The following AGAP1 variants were observed in gnomAD, a reference collection of about 807,000 sequenced individuals.
AGAP1 encodes arf-GAP with GTPase, ANK repeat and PH domain-containing protein 1.
AGAP1 carries 29 observed loss-of-function variants against 105.3 expected under a neutral mutation model. That is an observed-to-expected ratio of 0.28 (90% CI 0.21 to 0.38). The LOEUF (loss-of-function observed/expected upper bound fraction) is 0.38, where lower values mean the gene tolerates loss of function less well. Among genes scored for constraint, AGAP1 ranks in the 10% least tolerant of loss-of-function variants. AGAP1 has a pLI of 1.00. For synonymous variants in AGAP1, 509 were observed against 485.9 expected, an observed-to-expected ratio of 1.05 and a Z score of -0.63; for missense variants, 998 against 1,165.1, an observed-to-expected ratio of 0.86 and a Z score of 2.09.
chr2:235,531,773 T>G (rs2149075303), intron 1 of AGAP1, among the ~76,000 whole-genome samples: 1 of 152,176 alleles, frequency 6.6e-6, no homozygotes, highest in African/African-American at 2.4e-5. Flanking sequence ...CACGCCCAGC[T>G]AATTTTTTTG....
intron 1 of AGAP1, among the ~76,000 whole-genome samples, chr2:235,536,586 CACAT>C (rs1943239647): frequency 6.7e-6 from 1 of 150,254 alleles, no homozygotes; most frequent in African/African-American, 2.5e-5. Context: ...TGCACACACA[CACAT>C]ACACAGCAGG....
chr2:235,885,612 A>G (rs1040394576), intron 10 of AGAP1, among the ~76,000 whole-genome samples: 3 of 152,174 alleles, frequency 2.0e-5, no homozygotes, highest in Admixed American at 1.3e-4. Context: ...TCTCAAGAAC[A>G]TTTACCTTCA....
At chr2:236,077,045 G>A (rs2058653978) in intron 16 of AGAP1, among the ~76,000 whole-genome samples, 1 of 150,366 alleles carries the variant, frequency 6.7e-6, no homozygotes, top group African/African-American at 2.4e-5. Context: ...GGGAGGAGGA[G>A]GTTGCAGTAA....
At chr2:235,748,977 G>C (rs1173487753) in intron 5 of AGAP1, among the ~76,000 whole-genome samples, 1 of 152,206 alleles carries the variant, frequency 6.6e-6, no homozygotes, top group African/African-American at 2.4e-5. Context: ...GGGAGGCCCA[G>C]GCGGGTGGAT....
intron 16 of AGAP1, among the ~76,000 whole-genome samples, chr2:236,115,027 C>T (rs1047260565): frequency 2.0e-5 from 3 of 152,202 alleles, no homozygotes; most frequent in African/African-American, 4.8e-5. Context: ...AGAGCATCCC[C>T]CCTACCATGC....
intron 6 of AGAP1, among the ~76,000 whole-genome samples, chr2:235,786,902 C>T (rs955040384): frequency 1.3e-5 from 2 of 152,232 alleles, no homozygotes; most frequent in African/African-American, 4.8e-5. Context: ...GTCCTCCTGG[C>T]CCTGCCACTC....
In AGAP1 at chr2:235,728,326, T is replaced by TGTGTGTGTGTGTGTGTGTGCGCGCGC. The variant is rs986896995; in HGVS notation, c.310+10683_310+10684insTGTGTGTGTGTGTGTGTGCGCGCGCG. 4.6e-5 allele frequency among the ~76,000 whole-genome samples: 7 copies of TGTGTGTGTGTGTGTGTGTGCGCGCGC among 151,628 alleles called. No individual in the cohort carries two copies. The highest frequency in any genetic ancestry group is 1.5e-4 in the African/African-American group (6 of 41,084). ...CTGTGTGTGTGTGTGTGTGTGTGTG[T>TGTGTGTGTGTGTGTGTGTGCGCGCGC]GCGTGCTCTTAAATCAATGTAAATT... On this transcript the variant is annotated intron_variant, in intron 3 of 17. Coordinates refer to ENST00000304032, the MANE Select transcript of AGAP1 (RefSeq NM_001037131.3). This position sits in a 1 kb window ranked among gnomAD's most constrained non-coding sequence, Gnocchi z 4.3.
In AGAP1 at chr2:236,002,286, C is replaced by T. The variant is rs528217040; in HGVS notation, c.1645+33663C>T. Reference sequence around the variant, plus strand: ...CACCCAGCCTGAGCCCAGGAGGCTCCTGGTCCCGTCCTGGAACAGCCGGTG... The same window carrying T: ...CACCCAGCCTGAGCCCAGGAGGCTCTTGGTCCCGTCCTGGAACAGCCGGTG... On this transcript the variant is annotated intron_variant, in intron 13 of 17. Coordinates refer to ENST00000304032, the MANE Select transcript of AGAP1 (RefSeq NM_001037131.3). The surrounding 1 kb of genome is among the most constrained non-coding windows in gnomAD (Gnocchi z 4.3). Among the ~76,000 whole-genome samples the T allele has an allele frequency of 6.6e-6, 1 of 152,320 alleles. No homozygotes were observed. The highest frequency in any genetic ancestry group is 2.1e-4 in the South Asian group (1 of 4,822).
At chr2:235,873,939 G>A (rs561596262) in intron 9 of AGAP1, among the ~76,000 whole-genome samples, 1 of 152,290 alleles carries the variant, frequency 6.6e-6, no homozygotes, top group Non-Finnish European at 1.5e-5. Flanking sequence ...TTGTTGCCCA[G>A]GCTGGTCTCA....
chr2:236,048,435 C>T (rs1018812836), intron 15 of AGAP1, among the ~76,000 whole-genome samples: 7 of 152,234 alleles, frequency 4.6e-5, no homozygotes, highest in Non-Finnish European at 7.3e-5. Context: ...ATAACCTCAC[C>T]AAAGGGCCCT....
At chr2:235,532,477 A>C (rs551830936) in intron 1 of AGAP1, among the ~76,000 whole-genome samples, 29 of 152,270 alleles carry the variant, frequency 1.9e-4, no homozygotes, top group African/African-American at 6.7e-4. Context: ...GAATGCTAGG[A>C]TTACAGGTGT....
intron 9 of AGAP1, among the ~76,000 whole-genome samples, chr2:235,849,669 C>G (rs1431642009): frequency 6.6e-6 from 1 of 152,216 alleles, no homozygotes; most frequent in Non-Finnish European, 1.5e-5. Flanking sequence ...GGGTTGCCAC[C>G]TGCTGGGCAT....
At chr2:235,839,795 G>C (rs1960596660) in intron 9 of AGAP1, among the ~76,000 whole-genome samples, 1 of 152,188 alleles carries the variant, frequency 6.6e-6, no homozygotes, top group African/African-American at 2.4e-5. Context: ...AGGAGTACTT[G>C]CCTTTTCATA....
intron 9 of AGAP1, among the ~76,000 whole-genome samples, chr2:235,861,151 T>A (rs2048913206): frequency 1.3e-5 from 2 of 152,268 alleles, no homozygotes; most frequent in Non-Finnish European, 2.9e-5. Context: ...ATACAATATT[T>A]GCAGTGGTTC....
intron 9 of AGAP1, among the ~76,000 whole-genome samples, chr2:235,837,029 G>T (rs1415302324): frequency 6.6e-6 from 1 of 152,130 alleles, no homozygotes; most frequent in Non-Finnish European, 1.5e-5. Context: ...CTTGTTGCCC[G>T]GTCTGGAGTG....
chr2:235,649,184 C>T (rs374840068), intron 1 of AGAP1, among the ~76,000 whole-genome samples: 38 of 152,198 alleles, frequency 2.5e-4, no homozygotes, highest in African/African-American at 7.0e-4. Flanking sequence ...CTGAGTGGGA[C>T]GCTCCTCGGG....
At chr2:236,015,072 G>A (rs1349732) in intron 13 of AGAP1, among the ~76,000 whole-genome samples, 99,682 of 152,082 alleles carry the variant, frequency 0.66, 34,082 homozygotes, top group African/African-American at 0.85. Context: ...TTTACCATTC[G>A]TGTTCCTTTC....
At chr2:235,929,842 G>A (rs1016559242) in intron 11 of AGAP1, among the ~76,000 whole-genome samples, 15 of 152,172 alleles carry the variant, frequency 9.9e-5, no homozygotes, top group Non-Finnish European at 1.6e-4. Flanking sequence ...CTGCTAATAT[G>A]GGCTGCGTAT....
At chr2:235,542,226 GC>G (rs372383942) in intron 1 of AGAP1, among the ~76,000 whole-genome samples, 1 of 152,044 alleles carries the variant, frequency 6.6e-6, no homozygotes, top group African/African-American at 2.4e-5. Flanking sequence ...CCGGGGGGGG[GC>G]CAGTTGTCAG....
Sources: gnomAD v4.1 joint callset for allele counts (sites outside exome capture counted in the v4.1 genomes callset) on GRCh38, gnomAD v4.1.1 for gene constraint, Gnocchi (gnomAD v3.1) non-coding constraint, MANE v1.5 for transcripts, NCBI Gene and HGNC (gene_info 2026-07-23, HGNC 2026-07-21) for gene names.